STXBP4: variants seen among roughly 807,000 people sequenced by gnomAD.
STXBP4 encodes the protein syntaxin-binding protein 4.
A neutral mutation model predicts 76.1 loss-of-function variants in STXBP4; 55 were observed. The observed-to-expected ratio is 0.72, with a 90% CI of 0.58 to 0.91. The LOEUF (loss-of-function observed/expected upper bound fraction) is 0.91. STXBP4 is among the 40% of genes least tolerant of loss of function. STXBP4 has a pLI of 0.00. For missense variants in STXBP4, 618 were observed against 636.9 expected (o/e 0.97, Z 0.32); for synonymous variants, 201 against 220.2 (o/e 0.91, Z 0.77).
chr17:55,024,503 A>G (rs1230802663), intron 8 of STXBP4, among the ~76,000 whole-genome samples: 1 of 152,212 alleles, frequency 6.6e-6, no homozygotes, highest in African/African-American at 2.4e-5. Flanking sequence ...TGGGGTTCCT[A>G]AGTGAAAAAT....
intron 7 of STXBP4, among the ~76,000 whole-genome samples, chr17:55,005,200 T>C (rs2144526932): frequency 6.6e-6 from 1 of 152,346 alleles, no homozygotes; most frequent in Middle Eastern, 3.4e-3. Context: ...GTTGATCTTC[T>C]AACTCCTATG....
At chr17:55,035,906 T>A (rs2078593488) in intron 10 of STXBP4, among the ~76,000 whole-genome samples, 1 of 152,006 alleles carries the variant, frequency 6.6e-6, no homozygotes, top group South Asian at 2.1e-4. Flanking sequence ...AATAATTTTA[T>A]ATATTTATTG....
the STXBP4 span, among the ~76,000 whole-genome samples, chr17:55,194,468 C>T: frequency 6.6e-6 from 1 of 152,172 alleles, no homozygotes; most frequent in Non-Finnish European, 1.5e-5. Context: ...GTCCCCCATC[C>T]CGCATTGCTG....
At chr17:55,143,502 G>A (rs921064731) in intron 17 of STXBP4, among the ~76,000 whole-genome samples, 2 of 152,146 alleles carry the variant, frequency 1.3e-5, no homozygotes, top group African/African-American at 2.4e-5. Flanking sequence ...GAGAAAGCAG[G>A]AACAAGTGAT....
chr17:55,087,489 C>G (rs1213976936), intron 16 of STXBP4, among the ~76,000 whole-genome samples: 1 of 152,002 alleles, frequency 6.6e-6, no homozygotes, highest in Non-Finnish European at 1.5e-5. Flanking sequence ...TTTTCCAGTA[C>G]CGTTTGTTGA....
At chr17:54,992,836 C>T (rs941997542) in intron 4 of STXBP4, among the ~76,000 whole-genome samples, 10 of 151,528 alleles carry the variant, frequency 6.6e-5, no homozygotes, top group Non-Finnish European at 1.5e-4. Flanking sequence ...TCTCAGCTTC[C>T]CTAGTAGCTG....
intron 8 of STXBP4, among the ~76,000 whole-genome samples, chr17:55,010,560 G>A (rs1309704929): frequency 6.6e-6 from 1 of 152,040 alleles, no homozygotes; most frequent in Non-Finnish European, 1.5e-5. Flanking sequence ...TTATAAATAT[G>A]CATTATAAAC....
rs965286724 is a variant in STXBP4, at chr17:55,160,414, C to G, written c.*503C>G. 3 of 152,758 alleles carry G rather than the reference C, an allele frequency of 2.0e-5. No homozygotes were observed. Among genetic ancestry groups the G allele is most frequent in the East Asian group, 1.9e-4 (1 of 5,188 alleles). The allele number at this position is 152,758 out of a possible 1,614,324, so 9.5% of individuals were successfully genotyped here. On this transcript the variant is annotated 3_prime_UTR_variant, in exon 18 of 18. Transcript: ENST00000376352. ...ACATCTCATGGGCTGATGAATACAG[C>G]TGGTATCTTTGTGGAGCTTTCTAAT...
At chr17:55,027,196 G>A (rs530200502) in intron 8 of STXBP4, among the ~76,000 whole-genome samples, 51 of 152,264 alleles carry the variant, frequency 3.3e-4, no homozygotes, top group African/African-American at 1.2e-3. Context: ...CCCCACAGGG[G>A]CCACTGCTTG....
intron 11 of STXBP4, among the ~76,000 whole-genome samples, chr17:55,045,373 C>A (rs189523195): frequency 3.3e-3 from 500 of 152,118 alleles, no homozygotes; most frequent in Middle Eastern, 0.024. Flanking sequence ...GTGTTGGTTA[C>A]CTTAATAAGA....
intron 16 of STXBP4, among the ~76,000 whole-genome samples, chr17:55,082,109 G>A (rs1480678108): frequency 6.6e-6 from 1 of 152,084 alleles, no homozygotes; most frequent in Non-Finnish European, 1.5e-5. Flanking sequence ...TAAGAGGGAG[G>A]TGATTTATAA....
At chr17:55,098,845 A>G (rs974551460) in intron 16 of STXBP4, among the ~76,000 whole-genome samples, 1 of 152,172 alleles carries the variant, frequency 6.6e-6, no homozygotes, top group Non-Finnish European at 1.5e-5. Flanking sequence ...CTCCTTTAGT[A>G]AAATGTAAGC....
intron 1 of STXBP4, among the ~76,000 whole-genome samples, chr17:54,979,737 A>T (rs1567869015): frequency 6.6e-6 from 1 of 152,158 alleles, no homozygotes; most frequent in East Asian, 1.9e-4. Context: ...TTATGAAGAG[A>T]CTATTTGGAC....
At chr17:55,092,983 T>TG (rs1245782494) in intron 16 of STXBP4, among the ~76,000 whole-genome samples, 1 of 150,816 alleles carries the variant, frequency 6.6e-6, no homozygotes, top group African/African-American at 2.4e-5. Flanking sequence ...GTTTTTTGTT[T>TG]TTTGTTTGTT....
intron 8 of STXBP4, among the ~76,000 whole-genome samples, chr17:55,022,299 T>C (rs1276739047): frequency 7.0e-6 from 1 of 143,512 alleles, no homozygotes; most frequent in East Asian, 2.1e-4. Flanking sequence ...ATACTTTCTG[T>C]TATTTTTTTT....
At chr17:55,205,188 TA>T in the STXBP4 span, among the ~76,000 whole-genome samples, 2 of 152,066 alleles carry the variant, frequency 1.3e-5, no homozygotes, top group Admixed American at 6.5e-5. Flanking sequence ...AAAGTTTTAG[TA>T]ATAAAACCAC....
chr17:54,985,347 A>G (rs989565571), intron 1 of STXBP4, among the ~76,000 whole-genome samples: 4 of 152,162 alleles, frequency 2.6e-5, no homozygotes, highest in African/African-American at 9.7e-5. Context: ...AACAACAACA[A>G]CAACAAAAAC....
intron 1 of STXBP4, among the ~76,000 whole-genome samples, chr17:54,979,879 C>G (rs891854498): frequency 1.3e-5 from 2 of 152,176 alleles, no homozygotes; most frequent in Non-Finnish European, 2.9e-5. Context: ...TCATTAAATA[C>G]TTCAAAGTAA....
Position 54,990,870 on chromosome 17 carries a change from T to C in STXBP4, c.93T>C (p.Leu31=), listed in dbSNP as rs1264313219. ...QMITIAKETG[L]GLKVLGGINR... ...TTACAATTGCCAAGGAAACAGGCCT[T>C]GGCCTGAAGGTACTAGGAGGAATTA... The change falls in exon 4 of 18, where the codon CTT becomes CTC. Residue 31 remains leucine, a synonymous_variant. Transcript: ENST00000376352. The C allele has an allele frequency of 6.2e-7, 1 of 1,604,416 alleles. No homozygotes were observed. Among genetic ancestry groups the C allele is most frequent in the South Asian group, 1.1e-5 (1 of 89,226 alleles).
Sources: gnomAD v4.1 joint callset for allele counts (sites outside exome capture counted in the v4.1 genomes callset) on GRCh38, gnomAD v4.1.1 for gene constraint, MANE v1.5 for transcripts, NCBI Gene and HGNC (gene_info 2026-07-23, HGNC 2026-07-21) for gene names.